LGR4: variants seen among roughly 807,000 people sequenced by gnomAD.
The protein encoded by LGR4 is leucine rich repeat containing G protein-coupled receptor 4.
In LGR4, 44 loss-of-function variants were observed where a neutral mutation model predicts 84.8. That is an observed-to-expected ratio of 0.52 (90% CI 0.41 to 0.67). The LOEUF is 0.67. Ranked by LOEUF, LGR4 falls within the 30% of genes least tolerant of loss-of-function variation. The pLI, the probability that LGR4 is intolerant of heterozygous loss-of-function variation, is 0.00. For synonymous variants in LGR4, 429 were observed against 434.3 expected (o/e 0.99, Z 0.15); for missense variants, 1,032 against 1,131.4 (o/e 0.91, Z 1.26).
intron 2 of LGR4, among the ~76,000 whole-genome samples, chr11:27,409,125 G>A (rs549873511): frequency 1.3e-5 from 2 of 152,202 alleles, no homozygotes; most frequent in Middle Eastern, 3.4e-3. Flanking sequence ...AAAACAAATG[G>A]CAACAATAGT....
At position 27,462,287 on chromosome 11, in the gene LGR4, G is replaced by A. The variant is rs16917037; in HGVS notation, c.185+9831C>T. The stretch of plus-strand genomic sequence containing the variant: ...AACCCTGCGTTCCCATGTTAGGACA[G>A]CACCTTTCTACTTGACCAGCCATCT... On this transcript the variant is annotated intron_variant, in intron 1 of 17. Coordinates refer to ENST00000379214, the MANE Select transcript of LGR4 (RefSeq NM_018490.5). Among the ~76,000 whole-genome samples the A allele has an allele frequency of 0.013, 1,905 of 152,228 alleles. 113 individuals are homozygous for A. The East Asian group carries it at 0.19, about 15-fold the overall frequency.
chr11:27,416,045 C>T (rs182062430), intron 1 of LGR4, among the ~76,000 whole-genome samples: 3 of 152,246 alleles, frequency 2.0e-5, no homozygotes, highest in Admixed American at 2.0e-4. Context: ...AAAGAATTTT[C>T]AGCCAGAAGA....
At chr11:27,442,401 T>C (rs1412283110) in intron 1 of LGR4, among the ~76,000 whole-genome samples, 2 of 152,212 alleles carry the variant, frequency 1.3e-5, no homozygotes, top group Admixed American at 6.5e-5. Flanking sequence ...CCCATGCAGC[T>C]ACACAACTAC....
chr11:27,397,342 C>T (rs1863411088), intron 2 of LGR4, among the ~76,000 whole-genome samples: 1 of 152,176 alleles, frequency 6.6e-6, no homozygotes, highest in Non-Finnish European at 1.5e-5. Flanking sequence ...GCATCTTATT[C>T]TGCCTTTAGT....
chr11:27,404,173 A>C (rs574081692), intron 2 of LGR4, among the ~76,000 whole-genome samples: 3 of 152,320 alleles, frequency 2.0e-5, no homozygotes, highest in African/African-American at 7.2e-5. Flanking sequence ...TAAAATAAAT[A>C]AATGAGCCAG....
chr11:27,384,899 A>G (rs1863158839), intron 5 of LGR4, among the ~76,000 whole-genome samples: 1 of 152,170 alleles, frequency 6.6e-6, no homozygotes, highest in Non-Finnish European at 1.5e-5. Context: ...AGTGGAAAAC[A>G]CGAAATATCC....
At chr11:27,459,482 T>C (rs1864640407) in intron 1 of LGR4, among the ~76,000 whole-genome samples, 2 of 146,786 alleles carry the variant, frequency 1.4e-5, no homozygotes, top group Non-Finnish European at 3.0e-5. Flanking sequence ...GGCAAATTCT[T>C]TTTTTTTTTT....
At chr11:27,406,529 A>G (rs753668394) in intron 2 of LGR4, among the ~76,000 whole-genome samples, 1 of 152,128 alleles carries the variant, frequency 6.6e-6, no homozygotes, top group Non-Finnish European at 1.5e-5. Context: ...AAAACAAAAC[A>G]ATGTTTTCTA....
In LGR4 at chr11:27,385,369, C is replaced by T; in HGVS notation, c.501G>A (p.Glu167=). The T allele has an allele frequency of 6.2e-7, 1 of 1,612,412 alleles. No individual in the cohort carries two copies. The highest frequency in any genetic ancestry group is 8.5e-7 in the Non-Finnish European group (1 of 1,179,430). The change falls in exon 5 of 18, where the codon GAG becomes GAA. Residue 167 remains glutamate, a synonymous_variant. Coordinates refer to ENST00000379214, the MANE Select transcript of LGR4 (RefSeq NM_018490.5). ...HLWLDDNSLT[E]VPVHPLSNLP... The stretch of plus-strand genomic sequence containing the variant: ...GATTGCTGAGGGGGTGCACAGGCAC[C>T]TCCGTCAAGCTGTTGTCATCCAGCC...
intron 5 of LGR4, 101 bp downstream of exon 5, chr11:27,385,152 G>A: frequency 1.3e-6 from 1 of 793,366 alleles, no homozygotes; most frequent in South Asian, 2.0e-5. Context: ...CTACTCAGGA[G>A]CATATTCAGC....
chr11:27,431,763 A>G (rs1283264368), intron 1 of LGR4, among the ~76,000 whole-genome samples: 1 of 152,184 alleles, frequency 6.6e-6, no homozygotes, highest in Non-Finnish European at 1.5e-5. Context: ...CTCCATCCAT[A>G]TAATATTATT....
intron 2 of LGR4, among the ~76,000 whole-genome samples, chr11:27,403,286 C>A (rs1565080911): frequency 1.3e-5 from 2 of 152,116 alleles, no homozygotes; most frequent in African/African-American, 2.4e-5. Context: ...GCCAGGGCAA[C>A]CCCATCTCTA....
At chr11:27,407,104 A>T (rs1863625706) in intron 2 of LGR4, among the ~76,000 whole-genome samples, 1 of 152,202 alleles carries the variant, frequency 6.6e-6, no homozygotes, top group Admixed American at 6.5e-5. Context: ...GTTACTTTGG[A>T]CAAGCCACTT....
chr11:27,472,553 A>AGCCGG lies in LGR4; in HGVS notation c.-256_-252dup, dbSNP rs1864901082. On this transcript the variant is annotated 5_prime_UTR_variant, in exon 1 of 18. It removes the in-frame stop codon of an upstream open reading frame in the 5' UTR. Coordinates refer to ENST00000379214, the MANE Select transcript of LGR4 (RefSeq NM_018490.5). ...CCCCGCTCCTCCGGCGGCTCACGCC[A>AGCCGG]GCCGGGCCGGCCCGGCGCAGCGGCG... 2.6e-6 allele frequency: 1 copy of AGCCGG among 378,866 alleles called. No homozygotes were observed. The highest frequency in any genetic ancestry group is 4.7e-6 in the Non-Finnish European group (1 of 213,562). The allele number at this position is 378,866 out of a possible 1,614,324, so 23.5% of individuals were successfully genotyped here.
rs1862931426 is a variant in LGR4 at position 27,373,988 on chromosome 11, G to A, written c.1240C>T (p.Pro414Ser). ...IHSRAFATLG[P>S]ITNLDVSFNE... The stretch of plus-strand genomic sequence containing the variant: ...TCATCCACTTACAGGTTAGTTATTG[G>A]CCCAAGTGTGGCAAAAGCTCTACTG... Residue 414 changes from proline to serine, a missense_variant, in exon 14 of 18, where the codon CCA becomes TCA. Physicochemically the swap from Pro to Ser is moderately conservative, Grantham distance 74. Transcript: ENST00000379214. The A allele has an allele frequency of 6.2e-7, 1 of 1,609,256 alleles. No homozygotes were observed.
At chr11:27,458,165 T>G (rs1022850577) in intron 1 of LGR4, among the ~76,000 whole-genome samples, 1 of 152,078 alleles carries the variant, frequency 6.6e-6, no homozygotes, top group Non-Finnish European at 1.5e-5. Context: ...TATTACATAT[T>G]AATATACGCA....
chr11:27,412,724 G>A, intron 2 of LGR4, 65 bp downstream of exon 2: 1 of 983,302 alleles, frequency 1.0e-6, no homozygotes, highest in Non-Finnish European at 1.6e-6. Flanking sequence ...TTTCTCTGTA[G>A]CAAAAGCTTC....
intron 1 of LGR4, among the ~76,000 whole-genome samples, chr11:27,432,483 ACATGGAAAAAAG>A (rs1370647345): frequency 1.3e-5 from 2 of 152,218 alleles, no homozygotes; most frequent in Non-Finnish European, 2.9e-5. Flanking sequence ...AAAGAGGTGG[ACATGGAAAAAAG>A]CAGCCTATTT....
intron 1 of LGR4, among the ~76,000 whole-genome samples, chr11:27,464,596 G>T (rs531745094): frequency 1.3e-5 from 2 of 152,150 alleles, no homozygotes; most frequent in Non-Finnish European, 2.9e-5. Flanking sequence ...GAACCTCAAA[G>T]CCTGAGGGGA....
Sources: gnomAD v4.1 joint callset for allele counts (sites outside exome capture counted in the v4.1 genomes callset) on GRCh38, gnomAD v4.1.1 for gene constraint, MANE v1.5 for transcripts, NCBI Gene and HGNC (gene_info 2026-07-23, HGNC 2026-07-21) for gene names.